The following PTPRN2 variants were observed in gnomAD, a reference collection of about 807,000 sequenced individuals.
PTPRN2 encodes the protein receptor-type tyrosine-protein phosphatase N2.
In PTPRN2, 74 loss-of-function variants were observed where a neutral mutation model predicts 118.8. That is an observed-to-expected ratio of 0.62 (90% CI 0.52 to 0.76). The LOEUF is 0.76. PTPRN2 is among the 30% of genes least tolerant of loss of function. The probability of loss-of-function intolerance (pLI) is 0.00; values close to 1 mark genes in which losing one functional copy is unlikely to be tolerated. For missense variants in PTPRN2, 1,481 were observed against 1,394.4 expected (o/e 1.06, Z -0.99); for synonymous variants, 641 against 608.0 (o/e 1.05, Z -0.80).
rs116128164 is a variant in PTPRN2 at position 158,514,899 on chromosome 7, C to T, written c.113-25114G>A. 9.7e-3 allele frequency among the ~76,000 whole-genome samples: 1,482 copies of T among 152,284 alleles called. 23 individuals are homozygous for T. Among genetic ancestry groups the T allele is most frequent in the African/African-American group, 0.034 (1,395 of 41,562 alleles). ...ACTGGCACGTGTGTGGTTTGCTGCT[C>T]CTGGACCCGCTCTCTCAGGGGCATC... On this transcript the variant is annotated intron_variant, in intron 1 of 22. Transcript: ENST00000389418.
At chr7:158,490,063 G>A (rs1586789256) in intron 1 of PTPRN2, among the ~76,000 whole-genome samples, 1 of 152,204 alleles carries the variant, frequency 6.6e-6, no homozygotes, top group South Asian at 2.1e-4. Flanking sequence ...CGTCATCACA[G>A]GAGACTCTCT....
rs569839006 is a variant in PTPRN2, at chr7:157,800,674, C to T, written c.1788+97999G>A. ...TAACTTTTAAAATATGAATACCTGCCGGGTGCGGTGGCTCAGGCCTGTAAT... is the reference window on the plus strand; with the variant it reads ...TAACTTTTAAAATATGAATACCTGCTGGGTGCGGTGGCTCAGGCCTGTAAT... On this transcript the variant is annotated intron_variant, in intron 12 of 22. Transcript: ENST00000389418. 5.3e-5 allele frequency among the ~76,000 whole-genome samples: 8 copies of T among 152,146 alleles called. No individual in the cohort carries two copies. The South Asian group carries it at 6.2e-4, about 12-fold the overall frequency.
rs148039489 is a variant in PTPRN2 at position 157,893,690 on chromosome 7, C to A, written c.1788+4983G>T. Reference sequence around the variant, plus strand: ...CTCCCAGGAGAGAAAAGGAGGACACCTGTGGCCATACACACCTGTTGCTCG... The same window carrying A: ...CTCCCAGGAGAGAAAAGGAGGACACATGTGGCCATACACACCTGTTGCTCG... On this transcript the variant is annotated intron_variant, in intron 12 of 22. Transcript: ENST00000389418. This position sits in a 1 kb window ranked among gnomAD's most constrained non-coding sequence, Gnocchi z 4.0. Among the ~76,000 whole-genome samples the A allele has an allele frequency of 1.0e-3, 154 of 152,276 alleles. No homozygotes were observed. Among genetic ancestry groups the A allele is most frequent in the Middle Eastern group, 3.4e-3 (1 of 294 alleles).
In PTPRN2 at chr7:158,555,375, A is replaced by G. The variant is rs1334600308; in HGVS notation, c.112+32183T>C. On this transcript the variant is annotated intron_variant, in intron 1 of 22. Coordinates refer to ENST00000389418, the MANE Select transcript of PTPRN2 (RefSeq NM_002847.5). The surrounding 1 kb of genome is among the most constrained non-coding windows in gnomAD (Gnocchi z 4.7). ...CGAAGCAGGTCCTTCTCCCTTCACAAGCAGCATCCACGGCTCAGTGGTGCC... is the reference window on the plus strand; with the variant it reads ...CGAAGCAGGTCCTTCTCCCTTCACAGGCAGCATCCACGGCTCAGTGGTGCC... 6.6e-6 allele frequency among the ~76,000 whole-genome samples: 1 copy of G among 152,086 alleles called. No homozygotes were observed. The highest frequency in any genetic ancestry group is 2.4e-5 in the African/African-American group (1 of 41,408).
chr7:158,111,446 T>A (rs1466702768), intron 9 of PTPRN2, among the ~76,000 whole-genome samples: 1 of 152,100 alleles, frequency 6.6e-6, no homozygotes, highest in Non-Finnish European at 1.5e-5. Flanking sequence ...GCCACCTGGC[T>A]GGGGACCTGT....
chr7:158,562,438 C>T (rs959546780), intron 1 of PTPRN2, among the ~76,000 whole-genome samples: 1 of 152,162 alleles, frequency 6.6e-6, no homozygotes, highest in East Asian at 1.9e-4. Context: ...CAGACCAGAA[C>T]AGGAAGAGGG....
intron 14 of PTPRN2, 66 bp from the exon 15 acceptor site, chr7:157,621,575 AG>A: frequency 6.3e-7 from 1 of 1,587,596 alleles, no homozygotes; most frequent in Admixed American, 1.7e-5. Flanking sequence ...GATGCACAAA[AG>A]GCAGCGGAGG....
chr7:158,377,558 C>A (rs1468117110), intron 2 of PTPRN2, among the ~76,000 whole-genome samples: 1 of 152,134 alleles, frequency 6.6e-6, no homozygotes, highest in Non-Finnish European at 1.5e-5. Flanking sequence ...AGGAGGCAGG[C>A]AACTGGCTGG....
At chr7:158,266,487 C>T (rs113989400) in intron 3 of PTPRN2, among the ~76,000 whole-genome samples, 24 of 54,816 alleles carry the variant, frequency 4.4e-4, no homozygotes, top group African/African-American at 5.8e-4. Flanking sequence ...GGACGGTGTC[C>T]GCTGCAGTGT....
At chr7:158,111,951 G>C (rs963242839) in intron 9 of PTPRN2, among the ~76,000 whole-genome samples, 3 of 152,170 alleles carry the variant, frequency 2.0e-5, no homozygotes, top group Non-Finnish European at 2.9e-5. Flanking sequence ...ATAAAAGGAG[G>C]GTTTGGACTC....
intron 12 of PTPRN2, among the ~76,000 whole-genome samples, chr7:157,725,067 A>C (rs961210387): frequency 7.9e-5 from 12 of 152,276 alleles, no homozygotes; most frequent in Non-Finnish European, 1.3e-4. Flanking sequence ...CTAAACAAAA[A>C]TAAACTGACT....
intron 11 of PTPRN2, among the ~76,000 whole-genome samples, chr7:157,970,703 G>A (rs1040281213): frequency 4.9e-5 from 7 of 143,190 alleles, no homozygotes; most frequent in African/African-American, 1.8e-4. Context: ...GGTGGGACCT[G>A]TGCCCAGCAC....
At chr7:158,313,609 A>AC (rs142494483) in intron 3 of PTPRN2, among the ~76,000 whole-genome samples, 2,209 of 151,766 alleles carry the variant, frequency 0.015, 58 homozygotes, top group African/African-American at 0.051. Context: ...GCTGCCTGGG[A>AC]CCCCCCTATC....
At chr7:158,524,557 G>T (rs1824626629) in intron 1 of PTPRN2, among the ~76,000 whole-genome samples, 1 of 150,926 alleles carries the variant, frequency 6.6e-6, no homozygotes, top group Non-Finnish European at 1.5e-5. Context: ...CCCTGGAGTG[G>T]AGGGAAGTGA....
intron 5 of PTPRN2, among the ~76,000 whole-genome samples, chr7:158,185,809 T>C (rs1825083342): frequency 6.6e-6 from 1 of 152,202 alleles, no homozygotes. Context: ...TTCTGAACCA[T>C]GGGGGAGCTC....
chr7:157,670,074 C>T (rs1286238739), intron 13 of PTPRN2, among the ~76,000 whole-genome samples: 1 of 152,192 alleles, frequency 6.6e-6, no homozygotes, highest in Non-Finnish European at 1.5e-5. Context: ...ACCAAGGCAG[C>T]CCTGGGGGAG....
At chr7:158,032,131 TG>T (rs1169602275) in intron 11 of PTPRN2, among the ~76,000 whole-genome samples, 1 of 152,210 alleles carries the variant, frequency 6.6e-6, no homozygotes, top group Non-Finnish European at 1.5e-5. Context: ...TTCGGAAACC[TG>T]CCCCCACGCC....
chr7:157,576,493 C>A (rs1183303414), intron 19 of PTPRN2, 120 bp downstream of exon 19: 3 of 1,092,590 alleles, frequency 2.7e-6, no homozygotes, highest in South Asian at 1.8e-5. Flanking sequence ...CCCCTCCCCC[C>A]TGCGGCGCCG....
chr7:157,748,764 G>A (rs1801226065), intron 12 of PTPRN2, among the ~76,000 whole-genome samples: 1 of 118,174 alleles, frequency 8.5e-6, no homozygotes, highest in Non-Finnish European at 1.8e-5. Context: ...TCTGAGGCCT[G>A]CGTCCCTGAG....
Sources: allele counts gnomAD v4.1 joint callset (sites outside exome capture counted in the v4.1 genomes callset), GRCh38; gene constraint gnomAD v4.1.1; non-coding constraint Gnocchi (gnomAD v3.1); transcripts MANE v1.5; gene names NCBI Gene and HGNC (gene_info 2026-07-23, HGNC 2026-07-21).